The following SH3BP5 variants were observed in gnomAD, a reference collection of about 807,000 sequenced individuals.
SH3BP5 encodes the protein SH3 domain binding protein 5.
A neutral mutation model predicts 43.3 loss-of-function variants in SH3BP5; 22 were observed. That is an observed-to-expected ratio of 0.51 (90% CI 0.36 to 0.73). The LOEUF is 0.73. Ranked by LOEUF, SH3BP5 falls within the 30% of genes least tolerant of loss-of-function variation. The pLI, the probability that SH3BP5 is intolerant of heterozygous loss-of-function variation, is 0.00. For missense variants in SH3BP5, 529 were observed against 586.9 expected (o/e 0.90, Z 1.02); for synonymous variants, 255 against 225.8 (o/e 1.13, Z -1.16).
In SH3BP5 at chr3:15,256,129, C is replaced by T; in HGVS notation, c.1325G>A (p.Arg442Lys). 1.9e-6 allele frequency: 3 copies of T among 1,614,234 alleles called. No homozygotes were observed. Among genetic ancestry groups the T allele is most frequent in the South Asian group, 1.1e-5 (1 of 91,088 alleles). ...TTTTATGTCAGCAATAATTCCATCT[C>T]TTCCCTTTGAGCACTGTAGGGAGAG... ...KQLSLQCSKG[R>K]DGIIADIKMV... is the part of the protein sequence containing the mutation. The change falls in exon 9 of 9, where the codon AGA becomes AAA. Residue 442 changes from arginine to lysine, a missense_variant. Around this residue, in one of 3 missense-constraint regions of SH3BP5, gnomAD observed 369 missense variants for 384.3 expected, o/e 0.96. Coordinates refer to ENST00000383791, the MANE Select transcript of SH3BP5 (RefSeq NM_004844.5).
At chr3:15,292,541 A>G (rs1697440578) in intron 3 of SH3BP5, among the ~76,000 whole-genome samples, 1 of 152,204 alleles carries the variant, frequency 6.6e-6, no homozygotes, top group Non-Finnish European at 1.5e-5. Context: ...CAAATGGTTC[A>G]TGGCATCACC....
chr3:15,290,257 G>A (rs761319532), intron 3 of SH3BP5, among the ~76,000 whole-genome samples: 5 of 152,050 alleles, frequency 3.3e-5, no homozygotes, highest in East Asian at 1.9e-4. Flanking sequence ...GGCTGGGCGC[G>A]GTGGCTCACG....
At chr3:15,276,019 C>CAAAAAAAAAAAAAAAAAAA (rs35756562) in intron 3 of SH3BP5, 1 of 66,182 alleles carries the variant, frequency 1.5e-5, no homozygotes, top group Non-Finnish European at 2.5e-5. Flanking sequence ...GACTCTGTCT[C>CAAAAAAAAAAAAAAAAAAA]AAAAAAAAAA....
At chr3:15,279,874 G>A (rs957001610) in intron 3 of SH3BP5, among the ~76,000 whole-genome samples, 5 of 152,050 alleles carry the variant, frequency 3.3e-5, no homozygotes, top group Non-Finnish European at 5.9e-5. Flanking sequence ...TCTGGACACC[G>A]CATGTTCAGA....
chr3:15,320,033 A>G (rs976485780), intron 2 of SH3BP5, among the ~76,000 whole-genome samples: 2 of 152,214 alleles, frequency 1.3e-5, no homozygotes, highest in Non-Finnish European at 2.9e-5. Context: ...TTCTTCCAAT[A>G]AAGCCAAAAA....
intron 3 of SH3BP5, among the ~76,000 whole-genome samples, chr3:15,284,856 GAGA>G (rs1231466708): frequency 6.6e-6 from 1 of 152,208 alleles, no homozygotes; most frequent in African/African-American, 2.4e-5. Context: ...AGGGAGAGGA[GAGA>G]AGGACAACTC....
chr3:15,269,506 C>T lies in SH3BP5; in HGVS notation c.495+207G>A, dbSNP rs536154373. Among the ~76,000 whole-genome samples, 334 of 152,256 alleles carry T rather than the reference C, an allele frequency of 2.2e-3. 3 individuals carry two copies. Among genetic ancestry groups the T allele is most frequent in the African/African-American group, 7.9e-3 (326 of 41,502 alleles). The stretch of plus-strand genomic sequence containing the variant: ...GCAACATAAGGGAAGGAGCAGCTCT[C>T]GCTGTCACGGAGAGACACTGTGACT... On this transcript the variant is annotated intron_variant, in intron 4 of 8. Coordinates refer to ENST00000383791, the MANE Select transcript of SH3BP5 (RefSeq NM_004844.5).
In SH3BP5 at chr3:15,255,869, T is replaced by G; in HGVS notation, c.*217A>C. The G allele has an allele frequency of 1.8e-6, 1 of 542,856 alleles. No individual in the cohort carries two copies. Among genetic ancestry groups the G allele is most frequent in the Non-Finnish European group, 3.3e-6 (1 of 305,700 alleles). The allele number at this position is 542,856 out of a possible 1,614,324, so 33.6% of individuals were successfully genotyped here. ...TGTTCCACAAAGGCTGTGAACCTAG[T>G]CACAGTCTACCCACAACAAGAACTC... On this transcript the variant is annotated 3_prime_UTR_variant, in exon 9 of 9. Coordinates refer to ENST00000383791, the MANE Select transcript of SH3BP5 (RefSeq NM_004844.5).
At chr3:15,268,769 C>T (rs988007532) in intron 4 of SH3BP5, among the ~76,000 whole-genome samples, 2 of 152,136 alleles carry the variant, frequency 1.3e-5, no homozygotes, top group African/African-American at 4.8e-5. Flanking sequence ...AACTGATCCC[C>T]AGTGTGAGGG....
intron 3 of SH3BP5, among the ~76,000 whole-genome samples, chr3:15,276,902 T>G (rs1391665839): frequency 6.6e-6 from 1 of 152,204 alleles, no homozygotes; most frequent in Non-Finnish European, 1.5e-5. Context: ...TAGTACATCA[T>G]TTAAGTCTCA....
chr3:15,336,472 AAGGAGATCCATT>A (rs1698702275), upstream of SH3BP5, among the ~76,000 whole-genome samples: 1 of 152,188 alleles, frequency 6.6e-6, no homozygotes, highest in Non-Finnish European at 1.5e-5. Flanking sequence ...AGAGGAGACA[AAGGAGATCCATT>A]AGCCTGATGA....
At chr3:15,339,147 G>A (rs1401668947) in intron 1 of SH3BP5, among the ~76,000 whole-genome samples, 6 of 152,172 alleles carry the variant, frequency 3.9e-5, no homozygotes, top group African/African-American at 1.2e-4. Context: ...AAAGGGATCA[G>A]AGCCTCCACA....
chr3:15,256,219 C>T lies in SH3BP5; in HGVS notation c.1235G>A (p.Gly412Asp). ...RGLSSSSGSG[G>D]SSKSQSSTSP... The stretch of plus-strand genomic sequence containing the variant: ...GGTGCTGCTTTGGCTCTTACTGCTG[C>T]CACCACTGCCACTGCTACTGCTGAG... The change falls in exon 9 of 9, where the codon GGC becomes GAC. Residue 412 changes from glycine (G) to aspartate (D), a missense_variant. Transcript: ENST00000383791. 1 of 1,614,072 alleles carries T rather than the reference C, an allele frequency of 6.2e-7. No individual in the cohort carries two copies. Among genetic ancestry groups the T allele is most frequent in the South Asian group, 1.1e-5 (1 of 91,086 alleles).
At chr3:15,273,339 C>T (rs562704317) in intron 3 of SH3BP5, 109 of 985,190 alleles carry the variant, frequency 1.1e-4, no homozygotes, top group Non-Finnish European at 1.2e-4. Context: ...TGCTGTACCA[C>T]GGGCCCAGCA....
rs1217448579 is a variant in SH3BP5 at position 15,254,576 on chromosome 3, G to C, written c.*1510C>G. Reference sequence around the variant, plus strand: ...TGACTGACAGCAACACTTAAGCTTCGAGACTGCAGTGTGCAGCCGAGGCCC... The same window carrying C: ...TGACTGACAGCAACACTTAAGCTTCCAGACTGCAGTGTGCAGCCGAGGCCC... On this transcript the variant is annotated 3_prime_UTR_variant, in exon 9 of 9. Transcript: ENST00000383791. The C allele has an allele frequency of 8.2e-6, 1 of 122,674 alleles. No individual in the cohort carries two copies. Among genetic ancestry groups the C allele is most frequent in the African/African-American group, 7.0e-5 (1 of 14,232 alleles). The allele number at this position is 122,674 out of a possible 1,614,324, so 7.6% of individuals were successfully genotyped here.
intron 6 of SH3BP5, chr3:15,259,254 TGACAACCTCTAATATCCA>T (rs1696340659): frequency 3.3e-6 from 2 of 604,040 alleles, no homozygotes; most frequent in East Asian, 2.8e-5. Context: ...CCCATCCAGG[TGACAACCTCTAATATCCA>T]AAAACTCTCA....
chr3:15,272,155 A>AG (rs1262354810), intron 3 of SH3BP5, among the ~76,000 whole-genome samples: 1 of 152,184 alleles, frequency 6.6e-6, no homozygotes, highest in Admixed American at 6.5e-5. Context: ...AGGTTAAAGA[A>AG]GGGGGAACAA....
chr3:15,310,915 C>T (rs183220379), intron 2 of SH3BP5, among the ~76,000 whole-genome samples: 1 of 152,164 alleles, frequency 6.6e-6, no homozygotes, highest in Non-Finnish European at 1.5e-5. Flanking sequence ...CAGCCAGCAC[C>T]AGTATACAGT....
intron 2 of SH3BP5, among the ~76,000 whole-genome samples, chr3:15,325,680 G>A (rs911433300): frequency 6.6e-6 from 1 of 152,178 alleles, no homozygotes; most frequent in Non-Finnish European, 1.5e-5. Context: ...CCCCATCACC[G>A]AAAATTGCCC....
Sources: allele counts gnomAD v4.1 joint callset (sites outside exome capture counted in the v4.1 genomes callset), GRCh38; gene constraint gnomAD v4.1.1; regional missense constraint gnomAD v4.1.1; transcripts MANE v1.5; gene names NCBI Gene and HGNC (gene_info 2026-07-23, HGNC 2026-07-21).